Variants in HSCB observed in about 807,000 individuals in gnomAD.
HSCB encodes the protein iron-sulfur cluster co-chaperone protein HscB.
HSCB carries 23 observed loss-of-function variants against 31.3 expected under a neutral mutation model. The observed-to-expected ratio is 0.74, with a 90% CI of 0.53 to 1.04. The LOEUF is 1.04. HSCB is among the 50% of genes least tolerant of loss of function. The pLI, the probability that HSCB is intolerant of heterozygous loss-of-function variation, is 0.00. For synonymous variants in HSCB, 110 were observed against 104.5 expected, an observed-to-expected ratio of 1.05 and a Z score of -0.32; for missense variants, 297 against 288.1, an observed-to-expected ratio of 1.03 and a Z score of -0.22.
chr22:28,748,292 C>T (rs778134090), intron 4 of HSCB, among the ~76,000 whole-genome samples: 1 of 152,172 alleles, frequency 6.6e-6, no homozygotes. Context: ...TTCCTTATGC[C>T]CATAGTCAAT....
At chr22:28,755,334 G>A (rs530657211) in intron 5 of HSCB, among the ~76,000 whole-genome samples, 6 of 151,886 alleles carry the variant, frequency 4.0e-5, no homozygotes, top group African/African-American at 1.4e-4. Context: ...GGCGTGAACC[G>A]GGGAGGCAGA....
intron 5 of HSCB, among the ~76,000 whole-genome samples, chr22:28,755,132 C>G (rs1175128102): frequency 7.1e-6 from 1 of 140,310 alleles, no homozygotes; most frequent in South Asian, 2.6e-4. Context: ...TTAAATAGGC[C>G]GGGCGCGGTG....
intron 2 of HSCB, 67 bp downstream of exon 2, chr22:28,744,045 G>A: frequency 2.5e-6 from 3 of 1,199,290 alleles, no homozygotes; most frequent in Non-Finnish European, 3.7e-6. Context: ...TAGCCTTGTG[G>A]TTATGTGATT....
At chr22:28,752,438 A>G (rs1451445745) in intron 5 of HSCB, among the ~76,000 whole-genome samples, 1 of 151,290 alleles carries the variant, frequency 6.6e-6, no homozygotes, top group African/African-American at 2.4e-5. Flanking sequence ...TCAAAAAAAA[A>G]AAAAAAAAAA....
In HSCB at chr22:28,745,959, A is replaced by G. The variant is rs562397362; in HGVS notation, c.519A>G (p.Ala173=). The G allele has an allele frequency of 6.2e-7, 1 of 1,613,970 alleles. No individual in the cohort carries two copies. Among genetic ancestry groups the G allele is most frequent in the Non-Finnish European group, 8.5e-7 (1 of 1,179,948 alleles). ...IEIMEINEKL[A]EAESEAAMKE... The stretch of plus-strand genomic sequence containing the variant: ...TAATGGAAATCAATGAAAAACTCGC[A>G]GAAGCTGAAAGTGAAGCTGCCATGA... The change falls in exon 4 of 6, where the codon GCA becomes GCG. Residue 173 remains alanine, a synonymous_variant. Coordinates refer to ENST00000216027, the MANE Select transcript of HSCB (RefSeq NM_172002.5).
intron 5 of HSCB, among the ~76,000 whole-genome samples, chr22:28,756,874 T>TA (rs2030632895): frequency 6.6e-6 from 1 of 152,140 alleles, no homozygotes; most frequent in Non-Finnish European, 1.5e-5. Flanking sequence ...CACATGCTCT[T>TA]ACACAACTCT....
chr22:28,756,368 A>G (rs1426516878), intron 5 of HSCB, among the ~76,000 whole-genome samples: 1 of 151,808 alleles, frequency 6.6e-6, no homozygotes, highest in African/African-American at 2.4e-5. Flanking sequence ...AGGCAGCTCT[A>G]TGCCTCAGCA....
intron 5 of HSCB, among the ~76,000 whole-genome samples, chr22:28,753,764 G>C (rs1243930013): frequency 6.6e-6 from 1 of 151,902 alleles, no homozygotes; most frequent in Non-Finnish European, 1.5e-5. Context: ...CGTGAACCTG[G>C]GAGGTGGAGC....
chr22:28,756,252 A>C (rs1215770895), intron 5 of HSCB, among the ~76,000 whole-genome samples: 1 of 150,230 alleles, frequency 6.7e-6, no homozygotes, highest in African/African-American at 2.4e-5. Context: ...CATCTCACAA[A>C]AAAAAAAAAA....
At chr22:28,744,568 C>T (rs780392205) in intron 2 of HSCB, 47 bp from the exon 3 acceptor site, 3 of 1,414,126 alleles carry the variant, frequency 2.1e-6, no homozygotes, top group Non-Finnish European at 2.0e-6. Context: ...AACAAAAAAA[C>T]TTTGTGATTT....
intron 4 of HSCB, among the ~76,000 whole-genome samples, chr22:28,750,318 C>T (rs2030146799): frequency 6.7e-6 from 1 of 150,238 alleles, no homozygotes; most frequent in Non-Finnish European, 1.5e-5. Flanking sequence ...CTTTGAGCAG[C>T]TCACTGACCT....
intron 5 of HSCB, 84 bp from the exon 6 acceptor site, chr22:28,756,993 CT>C (rs1394425368): frequency 2.5e-6 from 2 of 795,230 alleles, no homozygotes; most frequent in Non-Finnish European, 4.5e-6. Flanking sequence ...CAGGGCTCCA[CT>C]TATATATCGC....
At chr22:28,752,771 C>T (rs1017785018) in intron 5 of HSCB, among the ~76,000 whole-genome samples, 2 of 150,782 alleles carry the variant, frequency 1.3e-5, no homozygotes, top group Admixed American at 1.3e-4. Context: ...AGACCTGCCA[C>T]GTAAAAAAAA....
chr22:28,744,606 C>T lies in HSCB; in HGVS notation c.334-9C>T. 3 of 1,588,744 alleles carry T rather than the reference C, an allele frequency of 1.9e-6. No homozygotes were observed. The highest frequency in any genetic ancestry group is 2.6e-6 in the Non-Finnish European group (3 of 1,156,926). Reference sequence around the variant, plus strand: ...ATGGTAATAGTACTATCTTCATCTCCACTAACAGACTGAAAAGGACTTCTC... The same window carrying T: ...ATGGTAATAGTACTATCTTCATCTCTACTAACAGACTGAAAAGGACTTCTC... On this transcript the variant is annotated splice_polypyrimidine_tract_variant and intron_variant, in intron 2 of 5. Coordinates refer to ENST00000216027, the MANE Select transcript of HSCB (RefSeq NM_172002.5).
intron 5 of HSCB, among the ~76,000 whole-genome samples, chr22:28,755,254 C>CA (rs2030531770): frequency 6.6e-6 from 1 of 151,296 alleles, no homozygotes; most frequent in African/African-American, 2.4e-5. Flanking sequence ...ACTAAAAATA[C>CA]AAAAAATTAG....
chr22:28,749,187 A>G (rs1601397000), intron 4 of HSCB, among the ~76,000 whole-genome samples: 1 of 151,064 alleles, frequency 6.6e-6, no homozygotes, highest in African/African-American at 2.4e-5. Context: ...CTGCTCTAAA[A>G]CTCTTTAGCA....
At position 28,757,144 on chromosome 22, in the gene HSCB, T is replaced by G; in HGVS notation, c.683T>G (p.Ile228Ser). The change falls in exon 6 of 6, where the codon ATC becomes AGC. Residue 228 changes from isoleucine (I) to serine (S), a missense_variant. By Grantham distance (142) the Ile-to-Ser change is moderately radical (BLOSUM62 -2). Transcript: ENST00000216027. The part of the protein sequence containing the change: ...MRYFSNIEEK[I>S]KLKKIPL ...TACTTTTCAAATATAGAAGAAAAGA[T>G]CAAGTTAAAGAAGATTCCCCTTTAA... 6.4e-7 allele frequency: 1 copy of G among 1,558,898 alleles called. No homozygotes were observed. Among genetic ancestry groups the G allele is most frequent in the Non-Finnish European group, 8.8e-7 (1 of 1,130,588 alleles).
intron 1 of HSCB, 143 bp downstream of exon 1, chr22:28,742,474 A>C: frequency 7.3e-7 from 1 of 1,373,392 alleles, no homozygotes; most frequent in South Asian, 1.5e-5. Context: ...GCGTGAGAGA[A>C]GTGTCTTGAT....
At chr22:28,747,007 T>TG (rs895112708) in intron 4 of HSCB, among the ~76,000 whole-genome samples, 2 of 151,788 alleles carry the variant, frequency 1.3e-5, no homozygotes, top group Non-Finnish European at 2.9e-5. Context: ...GAGGTTGCAG[T>TG]GAGCTGAGAT....
Sources: gnomAD v4.1 joint callset for allele counts (sites outside exome capture counted in the v4.1 genomes callset) on GRCh38, gnomAD v4.1.1 for gene constraint, MANE v1.5 for transcripts, NCBI Gene and HGNC (gene_info 2026-07-23, HGNC 2026-07-21) for gene names.